The following MYO16 variants were observed in gnomAD, a reference collection of about 807,000 sequenced individuals.
The protein encoded by MYO16 is myosin XVI, also known as unconventional myosin-XVI.
Under a neutral mutation model 205.3 loss-of-function variants are expected in MYO16, and 94 were observed. The ratio of observed to expected loss-of-function variants is 0.46; its 90% CI spans 0.39 to 0.54. MYO16 has a LOEUF of 0.54. Ranked by LOEUF, MYO16 falls within the 20% of genes least tolerant of loss-of-function variation. MYO16 has a pLI of 0.00. For synonymous variants in MYO16, 988 were observed against 954.0 expected (o/e 1.04, Z -0.66); for missense variants, 2,315 against 2,387.5 (o/e 0.97, Z 0.63).
chr13:108,636,475 G>A (rs1880257477), intron 1 of MYO16, among the ~76,000 whole-genome samples: 1 of 147,460 alleles, frequency 6.8e-6, no homozygotes, highest in Non-Finnish European at 1.5e-5. Flanking sequence ...CACCGCCCAG[G>A]TTCGAGCAAT....
intron 27 of MYO16, among the ~76,000 whole-genome samples, chr13:109,061,384 T>G (rs974424309): frequency 1.3e-5 from 2 of 152,220 alleles, no homozygotes; most frequent in African/African-American, 4.8e-5. Flanking sequence ...ATGCTTTCCC[T>G]CCTAAGCTTA....
Position 109,140,614 on chromosome 13 carries a change from G to A in MYO16, c.4402G>A (p.Gly1468Ser), listed in dbSNP as rs1298882861. The A allele has an allele frequency of 6.6e-7, 1 of 1,518,448 alleles. No homozygotes were observed. The allele number at this position is 1,518,448 out of a possible 1,614,324, so 94.1% of individuals were successfully genotyped here. A position where few individuals can be genotyped will look rare whatever the true frequency, so the allele number is the denominator to read the frequency against. ...TTGCCTGCCCGACGACGGCGGCCCG[G>A]GCGCGGGCTCCTTCCTGCTCCACGG... ...KCCLPDDGGP[G>S]AGSFLLHGAS... The change falls in exon 32 of 35, where the codon GGC (glycine) becomes AGC (serine). Residue 1468 changes from glycine (G) to serine (S), a missense_variant. Coordinates refer to ENST00000457511, the MANE Select transcript of MYO16 (RefSeq NM_001198950.3). The surrounding 1 kb of genome is among the most constrained non-coding windows in gnomAD (Gnocchi z 8.0).
intron 7 of MYO16, among the ~76,000 whole-genome samples, chr13:108,819,355 C>T (rs531402058): frequency 6.6e-6 from 1 of 152,124 alleles, no homozygotes; most frequent in Admixed American, 6.6e-5. Context: ...AAACAAGGCC[C>T]GCAAGAATCT....
chr13:108,724,129 A>G (rs1315509167), intron 3 of MYO16, among the ~76,000 whole-genome samples: 2 of 152,178 alleles, frequency 1.3e-5, no homozygotes, highest in African/African-American at 4.8e-5. Context: ...GCATATAGAA[A>G]TATCTTTGTT....
chr13:108,769,649 G>A (rs1197533265), intron 4 of MYO16, among the ~76,000 whole-genome samples: 3 of 152,200 alleles, frequency 2.0e-5, no homozygotes, highest in Non-Finnish European at 2.9e-5. Context: ...AGCAATCTGA[G>A]CAAGACCGGG....
At chr13:108,801,498 A>G (rs1886968497) in intron 6 of MYO16, among the ~76,000 whole-genome samples, 2 of 152,250 alleles carry the variant, frequency 1.3e-5, no homozygotes, top group African/African-American at 4.8e-5. Flanking sequence ...AAACATTTTT[A>G]AAATCAATAT....
the MYO16 span, among the ~76,000 whole-genome samples, chr13:108,574,392 G>C: frequency 2.6e-5 from 4 of 152,122 alleles, no homozygotes; most frequent in Admixed American, 2.0e-4. Flanking sequence ...AAGCATAACT[G>C]TGGTATCAAG....
intron 17 of MYO16, among the ~76,000 whole-genome samples, chr13:108,958,682 G>A (rs1206223384): frequency 6.6e-6 from 1 of 152,164 alleles, no homozygotes; most frequent in Non-Finnish European, 1.5e-5. Context: ...ACATAGCCAT[G>A]TGTGGTTAGT....
intron 2 of MYO16, among the ~76,000 whole-genome samples, chr13:108,677,927 T>C (rs1362884441): frequency 6.6e-6 from 1 of 152,126 alleles, no homozygotes; most frequent in Admixed American, 6.6e-5. Flanking sequence ...CTCACAACAG[T>C]CTATGAGAAA....
At chr13:108,636,625 G>T (rs9587639) in intron 1 of MYO16, among the ~76,000 whole-genome samples, 3 of 151,974 alleles carry the variant, frequency 2.0e-5, no homozygotes, top group African/African-American at 4.8e-5. Context: ...TGATCTGCCC[G>T]CCTTGGCCTC....
intron 21 of MYO16, among the ~76,000 whole-genome samples, chr13:109,003,133 A>G (rs1180256717): frequency 6.6e-6 from 1 of 152,178 alleles, no homozygotes; most frequent in Non-Finnish European, 1.5e-5. Context: ...TTTAAACTAC[A>G]TATGTTTCCA....
At position 109,052,295 on chromosome 13, in the gene MYO16, C is replaced by G. The variant is rs1376901302; in HGVS notation, c.2873-5C>G. ...ACTTACGATATTCATTTATTTATTTCCTAGCTAGTGAAAATGTCGTGATCA... is the reference window on the plus strand; with the variant it reads ...ACTTACGATATTCATTTATTTATTTGCTAGCTAGTGAAAATGTCGTGATCA... On this transcript the variant is annotated splice_polypyrimidine_tract_variant and splice_region_variant and intron_variant, in intron 24 of 34. Transcript: ENST00000457511. 1 of 1,610,166 alleles carries G rather than the reference C, an allele frequency of 6.2e-7. No individual in the cohort carries two copies.
intron 34 of MYO16, among the ~76,000 whole-genome samples, chr13:109,192,320 C>A (rs668101): frequency 0.082 from 12,504 of 152,172 alleles, 1,336 homozygotes; most frequent in East Asian, 0.28. Flanking sequence ...CTGGAAAGGA[C>A]TATTAATTTA....
At chr13:108,820,262 C>A in intron 7 of MYO16, 75 bp from the exon 8 acceptor site, 1 of 1,080,862 alleles carries the variant, frequency 9.3e-7, no homozygotes, top group Non-Finnish European at 1.4e-6. Context: ...AGTTGGACAG[C>A]ACAGTGTATG....
chr13:109,040,222 T>C (rs1050962771), intron 23 of MYO16, among the ~76,000 whole-genome samples: 2 of 152,132 alleles, frequency 1.3e-5, no homozygotes, highest in Non-Finnish European at 2.9e-5. Context: ...ATTGTTTCAC[T>C]GGAGAATTCT....
intron 25 of MYO16, 62 bp from the exon 26 acceptor site, chr13:109,054,984 T>C (rs1486584554): frequency 3.6e-6 from 4 of 1,104,106 alleles, no homozygotes; most frequent in South Asian, 2.9e-5. Context: ...TTTTCCTCCT[T>C]CTTCCTTTCC....
intron 1 of MYO16, among the ~76,000 whole-genome samples, chr13:108,637,821 G>A (rs1880327370): frequency 6.6e-6 from 1 of 152,070 alleles, no homozygotes; most frequent in Admixed American, 6.6e-5. Context: ...GTGGCAGTGA[G>A]CTGAGATCAC....
At chr13:108,659,781 C>T (rs190039279) in intron 1 of MYO16, among the ~76,000 whole-genome samples, 8 of 152,312 alleles carry the variant, frequency 5.3e-5, no homozygotes, top group South Asian at 4.1e-4. Flanking sequence ...AAACTATTGA[C>T]TACCTCCTGT....
chr13:109,065,047 A>G lies in MYO16; in HGVS notation c.3335+9452A>G, dbSNP rs564127526. On this transcript the variant is annotated intron_variant, in intron 27 of 34. Coordinates refer to ENST00000457511, the MANE Select transcript of MYO16 (RefSeq NM_001198950.3). Reference sequence around the variant, plus strand: ...ATGGCTGAAGAAGTGGGTGTTAGCTAAGGCCTGGCTGGGCTGGGGGATGCA... The same window carrying G: ...ATGGCTGAAGAAGTGGGTGTTAGCTGAGGCCTGGCTGGGCTGGGGGATGCA... Among the ~76,000 whole-genome samples, 33 of 152,248 alleles carry G rather than the reference A, an allele frequency of 2.2e-4. No individual in the cohort carries two copies. In the South Asian group the frequency reaches 5.6e-3, roughly 26 times the overall value.
Sources: allele counts gnomAD v4.1 joint callset (sites outside exome capture counted in the v4.1 genomes callset), GRCh38; gene constraint gnomAD v4.1.1; non-coding constraint Gnocchi (gnomAD v3.1); transcripts MANE v1.5; gene names NCBI Gene and HGNC (gene_info 2026-07-23, HGNC 2026-07-21).